CELF2: variants seen among roughly 807,000 people sequenced by gnomAD.
CELF2 encodes CUG triplet repeat RNA-binding protein 2.
CELF2 carries 8 observed loss-of-function variants against 62.6 expected under a neutral mutation model. The observed-to-expected ratio is 0.13, with a 90% confidence interval of 0.07 to 0.23. The LOEUF (loss-of-function observed/expected upper bound fraction) is 0.23, where lower values mean the gene tolerates loss of function less well. Ranked by LOEUF, CELF2 falls within the 10% of genes least tolerant of loss-of-function variation. The pLI is 1.00. For missense variants in CELF2, 333 were observed against 671.0 expected, an observed-to-expected ratio of 0.50 and a Z score of 5.56; for synonymous variants, 258 against 250.0, an observed-to-expected ratio of 1.03 and a Z score of -0.30.
At chr10:10,539,548 T>A in the CELF2 span, among the ~76,000 whole-genome samples, 1 of 145,270 alleles carries the variant, frequency 6.9e-6, no homozygotes, top group Non-Finnish European at 1.5e-5. Flanking sequence ...ATGGCAAAAG[T>A]AAGGCAGAGA....
chr10:10,742,292 T>A, the CELF2 span, among the ~76,000 whole-genome samples: 1 of 152,180 alleles, frequency 6.6e-6, no homozygotes, highest in Non-Finnish European at 1.5e-5. Context: ...ACTTACTGTA[T>A]AGTCAAATTT....
At chr10:10,921,026 C>T (rs1196189369) in intron 2 of CELF2, among the ~76,000 whole-genome samples, 1 of 152,104 alleles carries the variant, frequency 6.6e-6, no homozygotes, top group African/African-American at 2.4e-5. Flanking sequence ...GCAGTCTCAA[C>T]TCACTGCAAC....
chr10:11,003,534 C>A (rs2137051242), upstream of CELF2, among the ~76,000 whole-genome samples: 1 of 152,274 alleles, frequency 6.6e-6, no homozygotes, highest in African/African-American at 2.4e-5. This position sits in a 1 kb window ranked among gnomAD's most constrained non-coding sequence, Gnocchi z 4.4. Flanking sequence ...ACTGAACACA[C>A]CCAGTTTCAC....
intron 1 of CELF2, among the ~76,000 whole-genome samples, chr10:11,111,202 ATCT>A (rs1316595620): frequency 6.6e-6 from 1 of 152,306 alleles, no homozygotes; most frequent in African/African-American, 2.4e-5. Context: ...GTTAATCTAC[ATCT>A]TCTTCCCACT....
the CELF2 span, among the ~76,000 whole-genome samples, chr10:10,560,190 C>T: frequency 4.6e-5 from 7 of 152,170 alleles, no homozygotes; most frequent in Admixed American, 6.5e-5. Flanking sequence ...GAGAACTTGA[C>T]TCTGAATTCA....
intron 1 of CELF2, among the ~76,000 whole-genome samples, chr10:10,846,750 A>G (rs1196101243): frequency 6.6e-6 from 1 of 152,254 alleles, no homozygotes; most frequent in African/African-American, 2.4e-5. Flanking sequence ...AGCAGAGTGC[A>G]GCACATCTGA....
At chr10:10,902,358 A>C (rs1309284671) in intron 1 of CELF2, among the ~76,000 whole-genome samples, 2 of 152,252 alleles carry the variant, frequency 1.3e-5, no homozygotes, top group Non-Finnish European at 1.5e-5. Flanking sequence ...CCTCAAGAAA[A>C]ATATCGACAC....
chr10:11,278,215 T>G (rs2139057440), intron 8 of CELF2, among the ~76,000 whole-genome samples: 1 of 152,332 alleles, frequency 6.6e-6, no homozygotes, highest in South Asian at 2.1e-4. Flanking sequence ...ATCTTACCAT[T>G]TTCCCTTCAA....
chr10:10,582,775 A>G, the CELF2 span, among the ~76,000 whole-genome samples: 48,033 of 152,048 alleles, frequency 0.32, 7,985 homozygotes, highest in East Asian at 0.6. Flanking sequence ...AAAGGGAAGA[A>G]TTGGAGCTCC....
intron 2 of CELF2, among the ~76,000 whole-genome samples, chr10:10,956,356 G>C (rs920052003): frequency 4.5e-4 from 68 of 152,160 alleles, no homozygotes; most frequent in Admixed American, 3.3e-3. Context: ...CCTGTCACGA[G>C]GGGGAAGTGT....
At chr10:10,979,481 G>A (rs1303500813) in intron 2 of CELF2, among the ~76,000 whole-genome samples, 1 of 152,078 alleles carries the variant, frequency 6.6e-6, no homozygotes, top group Non-Finnish European at 1.5e-5. Context: ...GACCAGCCTG[G>A]GCAACATGGT....
Position 11,297,173 on chromosome 10 carries a change from G to T in CELF2, c.976+8621G>T, listed in dbSNP as rs1397761822. ...AGCATTGCTCTCAGTTGTGAGGGGA[G>T]TTGAGGAGGAAGCTGTCATATAAAA... On this transcript the variant is annotated intron_variant, in intron 9 of 12. Transcript: ENST00000633077. This position sits in a 1 kb window ranked among gnomAD's most constrained non-coding sequence, Gnocchi z 4.4. Among the ~76,000 whole-genome samples, 1 of 152,232 alleles carries T rather than the reference G, an allele frequency of 6.6e-6. No homozygotes were observed.
chr10:11,014,301 G>T (rs1374910023), upstream of CELF2, among the ~76,000 whole-genome samples: 1 of 152,210 alleles, frequency 6.6e-6, no homozygotes, highest in Non-Finnish European at 1.5e-5. Flanking sequence ...TTGAAGGGCT[G>T]ATAGCTACTG....
chr10:10,847,250 T>C lies in CELF2; in HGVS notation c.53+48433T>C, dbSNP rs1414968671. Among the ~76,000 whole-genome samples, 7 of 152,106 alleles carry C rather than the reference T, an allele frequency of 4.6e-5. No individual in the cohort carries two copies. In the South Asian group the frequency reaches 1.5e-3, roughly 32 times the overall value. ...CACATCTATAAACAAAAGTGGAGGA[T>C]GAAATGGCCTACATTAGGTGCAAAG... On this transcript the variant is annotated intron_variant, in intron 1 of 13. Transcript: ENST00000636488.
At chr10:10,516,457 A>G in the CELF2 span, among the ~76,000 whole-genome samples, 2 of 152,168 alleles carry the variant, frequency 1.3e-5, no homozygotes, top group African/African-American at 2.4e-5. Flanking sequence ...TAAAACATTC[A>G]TCATCTTAAA....
chr10:11,231,869 AAAAAAT>A (rs1283843395), intron 3 of CELF2, among the ~76,000 whole-genome samples: 1 of 150,984 alleles, frequency 6.6e-6, no homozygotes, highest in African/African-American at 2.5e-5. Flanking sequence ...GCAAAAAAAT[AAAAAAT>A]AAAAAAATAA....
upstream of CELF2, chr10:11,005,274 G>T (rs1214137512): frequency 1.9e-6 from 3 of 1,580,364 alleles, no homozygotes; most frequent in East Asian, 6.7e-5. The surrounding 1 kb of genome is among the most constrained non-coding windows in gnomAD (Gnocchi z 4.3). Flanking sequence ...GAGAGAGAGA[G>T]AGAGAGAGAG....
chr10:10,481,357 C>G, the CELF2 span, among the ~76,000 whole-genome samples: 1 of 152,118 alleles, frequency 6.6e-6, no homozygotes, highest in Non-Finnish European at 1.5e-5. Context: ...CCATCATGTA[C>G]CTAGTATATG....
At chr10:10,651,075 G>A in the CELF2 span, among the ~76,000 whole-genome samples, 1 of 151,414 alleles carries the variant, frequency 6.6e-6, no homozygotes, top group East Asian at 1.9e-4. Context: ...CAAGGGGTCA[G>A]GGAGTTCCCT....
Sources: gnomAD v4.1 joint callset for allele counts (sites outside exome capture counted in the v4.1 genomes callset) on GRCh38, gnomAD v4.1.1 for gene constraint, Gnocchi (gnomAD v3.1) non-coding constraint, MANE v1.5 for transcripts, NCBI Gene and HGNC (gene_info 2026-07-23, HGNC 2026-07-21) for gene names.